The following FLI1 variants were observed in gnomAD, a reference collection of about 807,000 sequenced individuals.
The protein encoded by FLI1 is Fli-1 proto-oncogene, ETS transcription factor, also known as Friend leukemia integration 1 transcription factor.
Under a neutral mutation model 53.1 loss-of-function variants are expected in FLI1, and 13 were observed. That is an observed-to-expected ratio of 0.24 (90% CI 0.16 to 0.39). The LOEUF (loss-of-function observed/expected upper bound fraction) is 0.39. Ranked by LOEUF, FLI1 falls within the 10% of genes least tolerant of loss-of-function variation. The probability of loss-of-function intolerance (pLI) is 1.00; values close to 1 mark genes in which losing one functional copy is unlikely to be tolerated. For missense variants in FLI1, 424 were observed against 600.5 expected, an observed-to-expected ratio of 0.71 and a Z score of 3.07; for synonymous variants, 244 against 236.7, an observed-to-expected ratio of 1.03 and a Z score of -0.28.
chr11:128,791,329 C>T (rs1942263404), intron 5 of FLI1, among the ~76,000 whole-genome samples: 1 of 152,140 alleles, frequency 6.6e-6, no homozygotes, highest in East Asian at 1.9e-4. Context: ...CCGGGTATAC[C>T]TTTCATCCGT....
chr11:128,766,610 C>T (rs1023413092), intron 2 of FLI1, among the ~76,000 whole-genome samples: 2 of 151,912 alleles, frequency 1.3e-5, no homozygotes, highest in African/African-American at 2.4e-5. Flanking sequence ...CTCAGGCCTC[C>T]CCGCCCTGCC....
At chr11:128,806,056 A>C (rs1387653756) in intron 6 of FLI1, 1 of 152,032 alleles carries the variant, frequency 6.6e-6, no homozygotes, top group Admixed American at 6.5e-5. Context: ...CTGTACCAGA[A>C]ATCAAACTTG....
At chr11:128,716,371 G>T (rs928784871) in intron 1 of FLI1, among the ~76,000 whole-genome samples, 5 of 152,164 alleles carry the variant, frequency 3.3e-5, no homozygotes, top group Admixed American at 6.5e-5. Context: ...AGCTGGGGGT[G>T]GGGGTGCTGT....
intron 1 of FLI1, among the ~76,000 whole-genome samples, chr11:128,709,002 C>A (rs776430610): frequency 6.6e-6 from 1 of 152,176 alleles, no homozygotes; most frequent in East Asian, 1.9e-4. Context: ...TGGCAGTAAA[C>A]CTCTGGAGTA....
intron 1 of FLI1, among the ~76,000 whole-genome samples, chr11:128,734,664 G>A (rs1939843227): frequency 6.6e-6 from 1 of 152,178 alleles, no homozygotes; most frequent in African/African-American, 2.4e-5. Context: ...TTGAGAAAAT[G>A]TCAGGGAGGC....
chr11:128,756,871 G>T (rs1474240419), intron 1 of FLI1, among the ~76,000 whole-genome samples: 1 of 152,040 alleles, frequency 6.6e-6, no homozygotes, highest in Non-Finnish European at 1.5e-5. Context: ...GCAGATCTCC[G>T]GAATGTGCAA....
chr11:128,691,161 T>C (rs2135678026), upstream of FLI1, among the ~76,000 whole-genome samples: 1 of 152,234 alleles, frequency 6.6e-6, no homozygotes, highest in East Asian at 1.9e-4. Flanking sequence ...AAATATCCCC[T>C]TTGGCTGCTC....
intron 1 of FLI1, among the ~76,000 whole-genome samples, chr11:128,733,747 G>C (rs1939793482): frequency 6.6e-6 from 1 of 152,198 alleles, no homozygotes; most frequent in Non-Finnish European, 1.5e-5. Flanking sequence ...TCTCTGTTGT[G>C]CCCATCTGCC....
intron 1 of FLI1, among the ~76,000 whole-genome samples, chr11:128,722,802 C>T (rs938668381): frequency 3.9e-5 from 6 of 152,286 alleles, no homozygotes; most frequent in East Asian, 1.9e-4. Context: ...GGAAACACCT[C>T]GTGCAGTCAT....
chr11:128,764,975 G>C (rs945346994), intron 2 of FLI1, among the ~76,000 whole-genome samples: 1 of 151,956 alleles, frequency 6.6e-6, no homozygotes, highest in African/African-American at 2.4e-5. Context: ...CCATTTTCCA[G>C]AGGAGAAACA....
At chr11:128,685,399 C>T (rs1480326284), upstream of FLI1, among the ~76,000 whole-genome samples, 2 of 152,212 alleles carry the variant, frequency 1.3e-5, no homozygotes, top group Non-Finnish European at 1.5e-5. Context: ...GTCCGATCCT[C>T]TGGGGGCGAT....
chr11:128,755,670 A>G (rs549073945), intron 1 of FLI1, among the ~76,000 whole-genome samples: 2 of 152,388 alleles, frequency 1.3e-5, no homozygotes, highest in African/African-American at 4.8e-5. Context: ...AATGGTTCTG[A>G]CAAGCACAGC....
At chr11:128,774,161 G>T (rs1012949173) in intron 4 of FLI1, among the ~76,000 whole-genome samples, 2 of 152,132 alleles carry the variant, frequency 1.3e-5, no homozygotes, top group Admixed American at 6.5e-5. Flanking sequence ...TGTTCCTCAT[G>T]GGGCAGGGGC....
At chr11:128,808,489 T>A (rs1004060771) in intron 7 of FLI1, among the ~76,000 whole-genome samples, 2 of 152,212 alleles carry the variant, frequency 1.3e-5, no homozygotes, top group African/African-American at 4.8e-5. Flanking sequence ...TTAAGAATAG[T>A]CATTTTATAG....
intron 5 of FLI1, among the ~76,000 whole-genome samples, chr11:128,791,483 G>A (rs2135886428): frequency 6.6e-6 from 1 of 152,276 alleles, no homozygotes; most frequent in South Asian, 2.1e-4. Context: ...TACCAATACA[G>A]CATTCAATAG....
At chr11:128,771,204 G>A (rs202004012) in intron 3 of FLI1, among the ~76,000 whole-genome samples, 4 of 152,214 alleles carry the variant, frequency 2.6e-5, no homozygotes, top group South Asian at 2.1e-4. Flanking sequence ...CATCTGAGCC[G>A]TCACTGCTCA....
intron 2 of FLI1, among the ~76,000 whole-genome samples, chr11:128,760,347 G>C (rs1470355334): frequency 1.3e-5 from 2 of 151,960 alleles, no homozygotes; most frequent in African/African-American, 2.4e-5. Flanking sequence ...CGTGCCATCT[G>C]TTAGGCACCT....
At chr11:128,692,789 A>G (rs1367477829), upstream of FLI1, 1 of 152,010 alleles carries the variant, frequency 6.6e-6, no homozygotes, top group African/African-American at 2.4e-5. Context: ...TGGTCCGGAG[A>G]GCGTGGACAA....
intron 5 of FLI1, among the ~76,000 whole-genome samples, chr11:128,786,912 T>C (rs1412258243): frequency 6.6e-6 from 1 of 152,194 alleles, no homozygotes; most frequent in Non-Finnish European, 1.5e-5. Flanking sequence ...GCACTGAGCT[T>C]CTAGCCCCAG....
Sources: allele counts gnomAD v4.1 joint callset (sites outside exome capture counted in the v4.1 genomes callset), GRCh38; gene constraint gnomAD v4.1.1; transcripts MANE v1.5; gene names NCBI Gene and HGNC (gene_info 2026-07-23, HGNC 2026-07-21).